AMOTL1: variants seen among roughly 807,000 people sequenced by gnomAD.
The protein encoded by AMOTL1 is angiomotin like 1, also known as angiomotin-like protein 1.
In AMOTL1, 45 loss-of-function variants were observed where a neutral mutation model predicts 102.9. The ratio of observed to expected loss-of-function variants is 0.44; its 90% CI spans 0.34 to 0.56. The LOEUF is 0.56. Ranked by LOEUF, AMOTL1 falls within the 20% of genes least tolerant of loss-of-function variation. The pLI, the probability that AMOTL1 is intolerant of heterozygous loss-of-function variation, is 0.01. For missense variants in AMOTL1, 1,114 were observed against 1,225.6 expected (o/e 0.91, Z 1.36); for synonymous variants, 481 against 484.7 (o/e 0.99, Z 0.10).
chr11:94,783,453 C>A (rs191735193), intron 1 of AMOTL1, among the ~76,000 whole-genome samples: 1 of 152,292 alleles, frequency 6.6e-6, no homozygotes, highest in Admixed American at 6.5e-5. Context: ...CTACACTGGG[C>A]TTTGTAGTGA....
intron 3 of AMOTL1, among the ~76,000 whole-genome samples, chr11:94,812,085 G>T (rs923316421): frequency 3.3e-5 from 5 of 152,204 alleles, no homozygotes; most frequent in African/African-American, 1.2e-4. Flanking sequence ...AGGGGAAGTT[G>T]CCAGGCCTCA....
chr11:94,830,458 T>C (rs2135660893), intron 5 of AMOTL1, among the ~76,000 whole-genome samples: 1 of 152,354 alleles, frequency 6.6e-6, no homozygotes, highest in South Asian at 2.1e-4. Flanking sequence ...GGGATTCTGT[T>C]TGCGGCTCCT....
At position 94,838,737 on chromosome 11, in the gene AMOTL1, C is replaced by G. The variant is rs1952233817; in HGVS notation, c.1648+7196C>G. 2.6e-5 allele frequency among the ~76,000 whole-genome samples: 4 copies of G among 152,156 alleles called. 1 individual carries two copies. The highest frequency in any genetic ancestry group is 2.6e-4 in the Admixed American group (4 of 15,282). On this transcript the variant is annotated intron_variant, in intron 6 of 12. Transcript: ENST00000433060. ...TTGTAAATTGCCTTAATGTATAAAT[C>G]AAGATATAATTGTTATTTTCTCTCT... is the stretch of plus-strand genomic sequence containing the variant.
chr11:94,802,642 G>A (rs1355640199), intron 3 of AMOTL1, among the ~76,000 whole-genome samples: 3 of 152,226 alleles, frequency 2.0e-5, no homozygotes, highest in African/African-American at 4.8e-5. Flanking sequence ...TGGTTAATAT[G>A]ACGCATCAAA....
intron 3 of AMOTL1, among the ~76,000 whole-genome samples, chr11:94,757,628 A>G (rs948711830): frequency 3.3e-5 from 5 of 152,208 alleles, no homozygotes; most frequent in African/African-American, 1.2e-4. Flanking sequence ...TCAGGCCACT[A>G]AGAGTCCCCA....
In AMOTL1 at chr11:94,799,837, A is replaced by G. The variant is rs754001670; in HGVS notation, c.647A>G (p.His216Arg). The change falls in exon 3 of 13, where the codon CAT becomes CGT. Residue 216 changes from histidine to arginine, a missense_variant. Transcript: ENST00000433060. This position sits in a 1 kb window ranked among gnomAD's most constrained non-coding sequence, Gnocchi z 4.5. ...CAACAGCAGCAGGGGGCGGTGGGCC[A>G]TGGTTACTACATGGCAGGGGGCACC... ...QQQQQQGAVG[H>R]GYYMAGGTSQ... 6.3e-7 allele frequency: 1 copy of G among 1,593,644 alleles called. No individual in the cohort carries two copies. Among genetic ancestry groups the G allele is most frequent in the Non-Finnish European group, 8.5e-7 (1 of 1,169,722 alleles).
chr11:94,864,679 A>G, intron 9 of AMOTL1, 56 bp from the exon 10 acceptor site: 2 of 1,581,862 alleles, frequency 1.3e-6, no homozygotes, highest in South Asian at 1.2e-5. Context: ...GTCTGTTTGC[A>G]TTGAGACAAA....
chr11:94,867,011 G>T (rs1952898384), intron 11 of AMOTL1, among the ~76,000 whole-genome samples: 1 of 152,104 alleles, frequency 6.6e-6, no homozygotes, highest in Admixed American at 6.5e-5. Context: ...CTGCACTCTG[G>T]CCTCTCCAGG....
At chr11:94,723,341 T>C (rs1384608175) in intron 1 of AMOTL1, among the ~76,000 whole-genome samples, 1 of 152,118 alleles carries the variant, frequency 6.6e-6, no homozygotes, top group Non-Finnish European at 1.5e-5. Context: ...TAGGGTTTCA[T>C]GGTAGAGGAG....
chr11:94,812,072 C>T (rs986637102), intron 3 of AMOTL1, among the ~76,000 whole-genome samples: 6 of 152,096 alleles, frequency 3.9e-5, no homozygotes, highest in African/African-American at 4.8e-5. Flanking sequence ...AGGGATTCTC[C>T]GGAGGGGAAG....
In AMOTL1 at chr11:94,799,581, C is replaced by T; in HGVS notation, c.391C>T (p.Pro131Ser). The change falls in exon 3 of 13, where the codon CCA becomes TCA. Residue 131 changes from proline to serine, a missense_variant. Coordinates refer to ENST00000433060, the MANE Select transcript of AMOTL1 (RefSeq NM_130847.3). The surrounding 1 kb of genome is among the most constrained non-coding windows in gnomAD (Gnocchi z 4.5). ...IQHQATGSAG[P>S]AHPTNNFSST... ...GCACCAGGCCACAGGGAGTGCAGGA[C>T]CAGCCCATCCTACAAACAACTTTTC... 6.2e-7 allele frequency: 1 copy of T among 1,613,816 alleles called. No homozygotes were observed. Among genetic ancestry groups the T allele is most frequent in the Non-Finnish European group, 8.5e-7 (1 of 1,179,854 alleles).
At chr11:94,756,188 G>A (rs897440555) in intron 3 of AMOTL1, among the ~76,000 whole-genome samples, 2 of 152,158 alleles carry the variant, frequency 1.3e-5, no homozygotes, top group African/African-American at 4.8e-5. Context: ...AGCCGCTTGT[G>A]TCTGTGCCCG....
At chr11:94,807,044 G>A (rs1005693026) in intron 3 of AMOTL1, among the ~76,000 whole-genome samples, 4 of 152,044 alleles carry the variant, frequency 2.6e-5, no homozygotes, top group African/African-American at 9.7e-5. Context: ...TATTAGGTTG[G>A]TGCAAAAGTA....
chr11:94,716,512 G>A (rs1050473821), intron 1 of AMOTL1, among the ~76,000 whole-genome samples: 12 of 152,226 alleles, frequency 7.9e-5, no homozygotes, highest in South Asian at 6.2e-4. Context: ...GGGGCTTAGC[G>A]TATAAGTTCT....
chr11:94,736,961 GT>G (rs1234116139), intron 2 of AMOTL1, among the ~76,000 whole-genome samples: 2 of 152,176 alleles, frequency 1.3e-5, no homozygotes, highest in Non-Finnish European at 2.9e-5. Flanking sequence ...AAACATTATT[GT>G]TGGCTCTATT....
intron 3 of AMOTL1, among the ~76,000 whole-genome samples, chr11:94,809,080 C>T (rs1413551392): frequency 6.7e-6 from 1 of 149,456 alleles, no homozygotes; most frequent in African/African-American, 2.5e-5. Flanking sequence ...AAGTGATTCT[C>T]CTACCTCAGC....
intron 1 of AMOTL1, among the ~76,000 whole-genome samples, chr11:94,710,394 G>C (rs1181582966): frequency 3.3e-5 from 5 of 152,180 alleles, no homozygotes; most frequent in African/African-American, 1.2e-4. Flanking sequence ...TCTAGTTGCT[G>C]ACCTTGGGAA....
chr11:94,741,477 C>T (rs1012168921), intron 3 of AMOTL1, among the ~76,000 whole-genome samples: 15 of 152,128 alleles, frequency 9.9e-5, no homozygotes, highest in African/African-American at 3.6e-4. Flanking sequence ...AATCATTAAA[C>T]TGTAAGACCT....
chr11:94,808,695 A>G (rs903037233), intron 3 of AMOTL1, among the ~76,000 whole-genome samples: 3 of 152,324 alleles, frequency 2.0e-5, no homozygotes, highest in East Asian at 1.9e-4. Flanking sequence ...TACATGCACA[A>G]TGGTCTAGAG....
Sources: gnomAD v4.1 joint callset for allele counts (sites outside exome capture counted in the v4.1 genomes callset) on GRCh38, gnomAD v4.1.1 for gene constraint, Gnocchi (gnomAD v3.1) non-coding constraint, MANE v1.5 for transcripts, NCBI Gene and HGNC (gene_info 2026-07-23, HGNC 2026-07-21) for gene names.